The following PRELID2 variants were observed in gnomAD, a reference collection of about 807,000 sequenced individuals.
PRELID2 encodes PRELI domain-containing protein 2.
A neutral mutation model predicts 28.4 loss-of-function variants in PRELID2; 25 were observed. The ratio of observed to expected loss-of-function variants is 0.88; its 90% CI spans 0.64 to 1.23. The LOEUF is 1.23. Ranked by LOEUF, PRELID2 falls within the 50% of genes most tolerant of loss-of-function variation. The pLI, the probability that PRELID2 is intolerant of heterozygous loss-of-function variation, is 0.00. For synonymous variants in PRELID2, 76 were observed against 71.6 expected (o/e 1.06, Z -0.31); for missense variants, 201 against 214.4 (o/e 0.94, Z 0.39).
At chr5:145,560,551 C>G (rs1752917753) in intron 1 of PRELID2, among the ~76,000 whole-genome samples, 1 of 152,166 alleles carries the variant, frequency 6.6e-6, no homozygotes, top group East Asian at 1.9e-4. Flanking sequence ...TTTAAACAAC[C>G]AACTGCCAAT....
downstream of PRELID2, among the ~76,000 whole-genome samples, chr5:145,756,129 C>T (rs1757249775): frequency 6.6e-6 from 1 of 152,116 alleles, no homozygotes; most frequent in African/African-American, 2.4e-5. Context: ...AGCACCTGGC[C>T]CACCCAGGTC....
At chr5:145,648,075 G>A (rs1754227575) in intron 1 of PRELID2, among the ~76,000 whole-genome samples, 1 of 152,206 alleles carries the variant, frequency 6.6e-6, no homozygotes, top group African/African-American at 2.4e-5. Flanking sequence ...TAAGGAATGA[G>A]TATAATTAGT....
intron 1 of PRELID2, among the ~76,000 whole-genome samples, chr5:145,736,574 A>G (rs1756502555): frequency 1.3e-5 from 2 of 152,228 alleles, no homozygotes; most frequent in Admixed American, 6.5e-5. Context: ...GAGCCAGAAT[A>G]CATGCTAACT....
At chr5:145,744,259 A>T (rs961183972) in intron 1 of PRELID2, among the ~76,000 whole-genome samples, 1 of 152,130 alleles carries the variant, frequency 6.6e-6, no homozygotes, top group Non-Finnish European at 1.5e-5. Context: ...AGACCAGCAG[A>T]CTTAGTCTTT....
chr5:145,312,609 A>G, the PRELID2 span, among the ~76,000 whole-genome samples: 106 of 152,306 alleles, frequency 7.0e-4, 3 homozygotes, highest in East Asian at 0.012. Flanking sequence ...ATCATACAGT[A>G]TTTGTCTTCC....
the PRELID2 span, among the ~76,000 whole-genome samples, chr5:145,294,920 C>G: frequency 1.3e-5 from 2 of 152,110 alleles, no homozygotes; most frequent in Non-Finnish European, 2.9e-5. Flanking sequence ...GAGAAGGTTG[C>G]TGTCCAAACA....
chr5:145,273,534 G>A, the PRELID2 span, among the ~76,000 whole-genome samples: 1 of 152,138 alleles, frequency 6.6e-6, no homozygotes, highest in African/African-American at 2.4e-5. Context: ...GACCCAGAAA[G>A]GAGGATTGGG....
At chr5:145,478,844 C>G (rs932748639) in intron 1 of PRELID2, among the ~76,000 whole-genome samples, 12 of 152,148 alleles carry the variant, frequency 7.9e-5, no homozygotes, top group African/African-American at 2.9e-4. Flanking sequence ...GGGACCAGCC[C>G]AAACTGGATC....
the PRELID2 span, among the ~76,000 whole-genome samples, chr5:145,447,493 T>C: frequency 6.8e-6 from 1 of 148,146 alleles, no homozygotes; most frequent in South Asian, 2.2e-4. Flanking sequence ...TATTATACTT[T>C]AAGTTTTAGG....
intron 1 of PRELID2, among the ~76,000 whole-genome samples, chr5:145,674,760 A>G (rs1175222790): frequency 6.6e-6 from 1 of 152,174 alleles, no homozygotes; most frequent in Non-Finnish European, 1.5e-5. Flanking sequence ...AAGCCTGGCC[A>G]ATATGCTGAA....
At chr5:145,733,872 G>C (rs931963559) in intron 1 of PRELID2, among the ~76,000 whole-genome samples, 1 of 152,104 alleles carries the variant, frequency 6.6e-6, no homozygotes, top group Non-Finnish European at 1.5e-5. Context: ...TAATGAAGTT[G>C]GGAATCTTAA....
At chr5:145,242,655 A>C in the PRELID2 span, among the ~76,000 whole-genome samples, 1 of 152,214 alleles carries the variant, frequency 6.6e-6, no homozygotes, top group East Asian at 1.9e-4. Flanking sequence ...TGAGAGAAAA[A>C]GGTAACCAAT....
At chr5:145,605,078 TG>T (rs1471756112) in intron 1 of PRELID2, among the ~76,000 whole-genome samples, 1 of 151,726 alleles carries the variant, frequency 6.6e-6, no homozygotes, top group Non-Finnish European at 1.5e-5. Flanking sequence ...ATTTGACCTT[TG>T]TTAGGTGCAT....
chr5:145,540,064 T>C (rs1752733240), intron 1 of PRELID2, among the ~76,000 whole-genome samples: 1 of 151,948 alleles, frequency 6.6e-6, no homozygotes, highest in Admixed American at 6.6e-5. Context: ...TAAGAGTTTA[T>C]AGTGCCTTCT....
chr5:145,392,190 G>C, the PRELID2 span, among the ~76,000 whole-genome samples: 1 of 152,106 alleles, frequency 6.6e-6, no homozygotes, highest in African/African-American at 2.4e-5. Context: ...ACTTGAGACT[G>C]GGTAATTTAT....
chr5:145,432,251 T>G, the PRELID2 span, among the ~76,000 whole-genome samples: 12 of 152,166 alleles, frequency 7.9e-5, no homozygotes, highest in African/African-American at 2.9e-4. Flanking sequence ...TTATGCAAGA[T>G]TGACAATTGA....
intron 6 of PRELID2, among the ~76,000 whole-genome samples, chr5:145,764,434 A>T (rs1418344040): frequency 6.6e-6 from 1 of 152,158 alleles, no homozygotes; most frequent in Non-Finnish European, 1.5e-5. Context: ...AATTACTCTC[A>T]AGACTTCAGA....
chr5:145,821,184 A>AGTGTGTGTGTGTGTGTGTGT (rs1581273643), intron 2 of PRELID2, among the ~76,000 whole-genome samples: 3 of 34,782 alleles, frequency 8.6e-5, no homozygotes, highest in Non-Finnish European at 1.3e-4. Context: ...TGTGTGTGTA[A>AGTGTGTGTGTGTGTGTGTGT]GTCCTCTTCT....
chr5:145,697,294 C>T, intron 1 of PRELID2, among the ~76,000 whole-genome samples: 1 of 151,828 alleles, frequency 6.6e-6, no homozygotes, highest in East Asian at 1.9e-4. Context: ...TCATGCTTCT[C>T]CTCATTTAAT....
Sources: allele counts gnomAD v4.1 joint callset (sites outside exome capture counted in the v4.1 genomes callset), GRCh38; gene constraint gnomAD v4.1.1; transcripts MANE v1.5; gene names NCBI Gene and HGNC (gene_info 2026-07-23, HGNC 2026-07-21).